The following MRPS10 variants were observed in gnomAD, a reference collection of about 807,000 sequenced individuals.
The protein encoded by MRPS10 is mitochondrial ribosomal protein S10.
MRPS10 carries 23 observed loss-of-function variants against 27.5 expected under a neutral mutation model. That is an observed-to-expected ratio of 0.84 (90% CI 0.60 to 1.18). The LOEUF (loss-of-function observed/expected upper bound fraction) is 1.18. Among genes scored for constraint, MRPS10 ranks in the 50% most tolerant of loss-of-function variants. MRPS10 has a pLI of 0.00. For synonymous variants in MRPS10, 88 were observed against 84.2 expected, an observed-to-expected ratio of 1.04 and a Z score of -0.25; for missense variants, 237 against 240.1, an observed-to-expected ratio of 0.99 and a Z score of 0.09.
intron 1 of MRPS10, among the ~76,000 whole-genome samples, chr6:42,216,981 C>T (rs1768958412): frequency 6.6e-6 from 1 of 152,088 alleles, no homozygotes; most frequent in South Asian, 2.1e-4. Context: ...GAAGTTTTCC[C>T]GTGACAGCCT....
intron 4 of MRPS10, 31 bp from the exon 5 acceptor site, chr6:42,210,627 T>C (rs748369671): frequency 1.0e-4 from 160 of 1,555,370 alleles, no homozygotes; most frequent in Non-Finnish European, 1.3e-4. Context: ...AAAACCTGAG[T>C]CACTATGATA....
At chr6:42,209,651 G>A (rs1164474144) in intron 5 of MRPS10, among the ~76,000 whole-genome samples, 1 of 147,666 alleles carries the variant, frequency 6.8e-6, no homozygotes, top group East Asian at 2.1e-4. Context: ...GCGAGGCTGA[G>A]ACAGAATTGC....
At position 42,210,476 on chromosome 6, in the gene MRPS10, A is replaced by C; in HGVS notation, c.432+12T>G. 1 of 1,356,616 alleles carries C rather than the reference A, an allele frequency of 7.4e-7. No individual in the cohort carries two copies. The highest frequency in any genetic ancestry group is 9.9e-7 in the Non-Finnish European group (1 of 1,009,144). The allele number at this position is 1,356,616 out of a possible 1,614,324, so 84.0% of individuals were successfully genotyped here. On this transcript the variant is annotated intron_variant, in intron 5 of 6. Coordinates refer to ENST00000053468, the MANE Select transcript of MRPS10 (RefSeq NM_018141.4). ...TATTTCAAAAATGCCAGAATTTCTC[A>C]AATACACTCACCTCTAAACATCTGT...
At chr6:42,210,622 C>G in intron 4 of MRPS10, 26 bp from the exon 5 acceptor site, 1 of 1,550,752 alleles carries the variant, frequency 6.4e-7, no homozygotes, top group South Asian at 1.2e-5. Context: ...AAAACAAAAC[C>G]TGAGTCACTA....
chr6:42,213,747 A>G (rs1768845381), intron 3 of MRPS10, among the ~76,000 whole-genome samples: 2 of 152,240 alleles, frequency 1.3e-5, no homozygotes, highest in Admixed American at 6.5e-5. Context: ...AGCACTGTCC[A>G]GGCCCAGGCT....
chr6:42,209,932 C>T (rs1187390676), intron 5 of MRPS10, among the ~76,000 whole-genome samples: 1 of 152,074 alleles, frequency 6.6e-6, no homozygotes, highest in Non-Finnish European at 1.5e-5. Context: ...CCATTCTAAT[C>T]CTCACACTAA....
In MRPS10 at chr6:42,211,757, C is replaced by G. The variant is rs185958545; in HGVS notation, c.323+24G>C. The G allele has an allele frequency of 3.1e-6, 5 of 1,603,188 alleles. No homozygotes were observed. The East Asian group carries it at 6.7e-5, about 22-fold the overall frequency. The stretch of plus-strand genomic sequence containing the variant: ...GATCATATTACAGCAGCGAACAGGT[C>G]GGGTCAGGAAAGGCCATACTCACAC... On this transcript the variant is annotated intron_variant, in intron 4 of 6. Transcript: ENST00000053468.
At chr6:42,216,021 C>CTTTTA (rs1220329448) in intron 1 of MRPS10, among the ~76,000 whole-genome samples, 1 of 22,962 alleles carries the variant, frequency 4.4e-5, no homozygotes, top group East Asian at 7.0e-3. Flanking sequence ...TTTTTTTTTT[C>CTTTTA]TTTTCTTTTT....
chr6:42,212,042 G>T, intron 3 of MRPS10, 125 bp from the exon 4 acceptor site: 1 of 811,510 alleles, frequency 1.2e-6, no homozygotes, highest in Non-Finnish European at 1.9e-6. Flanking sequence ...AACACTGAGT[G>T]ACGGCAGTGT....
chr6:42,216,317 C>G (rs1440617048), intron 1 of MRPS10, among the ~76,000 whole-genome samples: 2 of 147,728 alleles, frequency 1.4e-5, no homozygotes, highest in Admixed American at 1.4e-4. Flanking sequence ...CCACCGTGCC[C>G]GGCCAAGAAG....
rs371278917 is a variant in MRPS10 at position 42,217,791 on chromosome 6, C to T, written c.48+11G>A. ...GGTCAGCCCTCCTAGTCTCCCTAGC[C>T]AATCCAGTACCTGCCAGAGGCGCCG... On this transcript the variant is annotated intron_variant, in intron 1 of 6. Coordinates refer to ENST00000053468, the MANE Select transcript of MRPS10 (RefSeq NM_018141.4). 6.2e-6 allele frequency: 10 copies of T among 1,613,956 alleles called. No individual in the cohort carries two copies. Among genetic ancestry groups the T allele is most frequent in the Non-Finnish European group, 8.5e-6 (10 of 1,179,982 alleles).
At chr6:42,215,280 C>T (rs1768892128) in intron 1 of MRPS10, among the ~76,000 whole-genome samples, 1 of 137,294 alleles carries the variant, frequency 7.3e-6, no homozygotes, top group South Asian at 2.4e-4. Context: ...ATCCTAGTTA[C>T]TTGGGAGGCT....
chr6:42,216,239 G>A (rs1041965153), intron 1 of MRPS10, among the ~76,000 whole-genome samples: 1 of 151,284 alleles, frequency 6.6e-6, no homozygotes, highest in Non-Finnish European at 1.5e-5. Flanking sequence ...AGCCAGGATG[G>A]TCTTGATCTC....
chr6:42,208,727 G>A (rs553489880), intron 6 of MRPS10, 131 bp downstream of exon 6: 2 of 648,280 alleles, frequency 3.1e-6, no homozygotes, highest in Non-Finnish European at 5.3e-6. Flanking sequence ...TGGCAACTGT[G>A]TCTCCCAGTT....
chr6:42,210,164 T>C (rs887314152), intron 5 of MRPS10, among the ~76,000 whole-genome samples: 1 of 152,182 alleles, frequency 6.6e-6, no homozygotes, highest in African/African-American at 2.4e-5. Flanking sequence ...ACATGGAAAA[T>C]CCAGCTAGTA....
At chr6:42,214,390 A>T (rs773255907) in intron 1 of MRPS10, 46 bp from the exon 2 acceptor site, 1 of 1,396,396 alleles carries the variant, frequency 7.2e-7, no homozygotes, top group South Asian at 1.2e-5. Context: ...AAAGTCAACT[A>T]CCAAACCATT....
intron 6 of MRPS10, 136 bp from the exon 7 acceptor site, chr6:42,208,508 A>G: frequency 1.4e-6 from 1 of 715,480 alleles, no homozygotes; most frequent in Non-Finnish European, 2.3e-6. Context: ...GGGTTTTGAA[A>G]TGGAAAGAAG....
At chr6:42,216,122 C>T (rs569748943) in intron 1 of MRPS10, among the ~76,000 whole-genome samples, 104 of 146,622 alleles carry the variant, frequency 7.1e-4, no homozygotes, top group African/African-American at 2.1e-3. Context: ...CTCCTGGGTT[C>T]AAGCAAGTCT....
intron 4 of MRPS10, among the ~76,000 whole-genome samples, chr6:42,211,463 C>CACT (rs1768769978): frequency 6.6e-6 from 1 of 152,078 alleles, no homozygotes; most frequent in African/African-American, 2.4e-5. Flanking sequence ...GGCAATTTGC[C>CACT]TGAGCTCAGG....
Sources: gnomAD v4.1 joint callset for allele counts (sites outside exome capture counted in the v4.1 genomes callset) on GRCh38, gnomAD v4.1.1 for gene constraint, MANE v1.5 for transcripts, NCBI Gene and HGNC (gene_info 2026-07-23, HGNC 2026-07-21) for gene names.